STK24: variants seen among roughly 807,000 people sequenced by gnomAD.
The protein encoded by STK24 is serine/threonine-protein kinase 24.
A neutral mutation model predicts 55.6 loss-of-function variants in STK24; 21 were observed. The ratio of observed to expected loss-of-function variants is 0.38; its 90% CI spans 0.27 to 0.54. The LOEUF (loss-of-function observed/expected upper bound fraction) is 0.54, where lower values mean the gene tolerates loss of function less well. Ranked by LOEUF, STK24 falls within the 20% of genes least tolerant of loss-of-function variation. STK24 has a pLI of 0.79. For synonymous variants in STK24, 200 were observed against 215.2 expected (o/e 0.93, Z 0.62); for missense variants, 383 against 538.4 (o/e 0.71, Z 2.86).
intron 2 of STK24, among the ~76,000 whole-genome samples, chr13:98,483,589 G>T (rs764453182): frequency 1.3e-5 from 2 of 152,050 alleles, no homozygotes; most frequent in Non-Finnish European, 2.9e-5. Flanking sequence ...TGGAGGTTCC[G>T]CAAGTCAGGA....
At chr13:98,467,965 T>C (rs1893984457) in intron 5 of STK24, among the ~76,000 whole-genome samples, 1 of 152,250 alleles carries the variant, frequency 6.6e-6, no homozygotes, top group African/African-American at 2.4e-5. Context: ...GCTTTCCTGC[T>C]GTTCTCACTG....
At position 98,446,621 on chromosome 13, in the gene STK24, G is replaced by C. The variant is rs1214803541; in HGVS notation, c.*6552C>G. 4 of 1,603,866 alleles carry C rather than the reference G, an allele frequency of 2.5e-6. No homozygotes were observed. Among genetic ancestry groups the C allele is most frequent in the Admixed American group, 3.4e-5 (2 of 59,592 alleles). ...GGGGCAGCAGCCAGGCCCAGCAGCA[G>C]AAGCTGACCCCGAAAAGCCACTTTG... On this transcript the variant is annotated 3_prime_UTR_variant, in exon 11 of 11. Transcript: ENST00000539966.
chr13:98,449,718 T>TAAAA lies in STK24; in HGVS notation c.*3451_*3454dup, dbSNP rs1045673331. On this transcript the variant is annotated 3_prime_UTR_variant, in exon 11 of 11. Coordinates refer to ENST00000539966, the MANE Select transcript of STK24 (RefSeq NM_001032296.4). ...CGGTTTCCAGTACTAACAAAGGGAA[T>TAAAA]AAAAATACCTCACGCCACAATCCAG... 1.4e-5 allele frequency: 2 copies of TAAAA among 143,752 alleles called. No individual in the cohort carries two copies. Among genetic ancestry groups the TAAAA allele is most frequent in the Non-Finnish European group, 3.0e-5 (2 of 66,428 alleles). 8.9% of individuals were successfully genotyped at this position (143,752 alleles called of 1,614,324 possible). A position where few individuals can be genotyped will look rare whatever the true frequency, so the allele number is the denominator to read the frequency against.
intron 5 of STK24, among the ~76,000 whole-genome samples, chr13:98,472,934 G>A (rs1313973328): frequency 3.9e-5 from 6 of 152,116 alleles, no homozygotes; most frequent in Admixed American, 6.5e-5. Flanking sequence ...CATCCTGCCA[G>A]GGCCCAACCC....
chr13:98,459,601 A>G (rs1893615941), intron 9 of STK24, among the ~76,000 whole-genome samples: 7 of 152,156 alleles, frequency 4.6e-5, no homozygotes, highest in Admixed American at 3.9e-4. Context: ...CTCCTATGAC[A>G]CTTCCTCTCC....
At chr13:98,457,402 A>C in intron 9 of STK24, 98 bp from the exon 10 acceptor site, 1 of 1,561,012 alleles carries the variant, frequency 6.4e-7, no homozygotes, top group East Asian at 2.3e-5. Context: ...GGACCACGAC[A>C]CTACCCCAGC....
At chr13:98,516,616 G>A (rs929797367) in intron 2 of STK24, among the ~76,000 whole-genome samples, 1 of 152,162 alleles carries the variant, frequency 6.6e-6, no homozygotes, top group Non-Finnish European at 1.5e-5. Flanking sequence ...CCAGGCCTGG[G>A]CACATAAAAA....
At chr13:98,563,967 C>T (rs1346588415) in intron 1 of STK24, among the ~76,000 whole-genome samples, 4 of 152,056 alleles carry the variant, frequency 2.6e-5, no homozygotes, top group Admixed American at 6.6e-5. Context: ...CCCCAAAACC[C>T]TCAAATAAGA....
Position 98,519,224 on chromosome 13 carries a change from A to G in STK24, c.273+19T>C. 6.2e-7 allele frequency: 1 copy of G among 1,600,866 alleles called. No individual in the cohort carries two copies. Among genetic ancestry groups the G allele is most frequent in the East Asian group, 2.2e-5 (1 of 44,832 alleles). ...GCCAAGTGCTGCAGAACGGAGAAGC[A>G]CGTTATTTTAAGCCTTACCTTCAGA... On this transcript the variant is annotated intron_variant, in intron 2 of 10. Coordinates refer to ENST00000539966, the MANE Select transcript of STK24 (RefSeq NM_001032296.4).
intron 2 of STK24, among the ~76,000 whole-genome samples, chr13:98,495,969 T>G (rs1343572298): frequency 6.6e-6 from 1 of 152,212 alleles, no homozygotes; most frequent in Non-Finnish European, 1.5e-5. Context: ...AAGATTTTTC[T>G]CAGAGAAAAC....
chr13:98,471,222 C>CTGGGT (rs1402499475), intron 5 of STK24, among the ~76,000 whole-genome samples: 1 of 152,156 alleles, frequency 6.6e-6, no homozygotes, highest in African/African-American at 2.4e-5. Context: ...GGCTGGCTGC[C>CTGGGT]TGGGTTCTGG....
rs533742293 is a variant in STK24, at chr13:98,466,766, T to C, written c.598-205A>G. 6.6e-5 allele frequency among the ~76,000 whole-genome samples: 10 copies of C among 152,384 alleles called. No individual in the cohort carries two copies. In the East Asian group the frequency reaches 1.7e-3, roughly 26 times the overall value. On this transcript the variant is annotated intron_variant, in intron 5 of 10. Transcript: ENST00000539966. Reference sequence around the variant, plus strand: ...TAATATGCCAAATGTTTTCTGCCTCTACATGGAGATGGCTTATCAATTCAC... The same window carrying C: ...TAATATGCCAAATGTTTTCTGCCTCCACATGGAGATGGCTTATCAATTCAC...
At chr13:98,493,489 A>AT (rs36030371) in intron 2 of STK24, among the ~76,000 whole-genome samples, 11,753 of 152,142 alleles carry the variant, frequency 0.077, 529 homozygotes, top group Non-Finnish European at 0.1. Flanking sequence ...CAAGAGAGAG[A>AT]TTTTTTCTTT....
chr13:98,494,506 T>C (rs950219368), intron 2 of STK24, among the ~76,000 whole-genome samples: 2 of 151,128 alleles, frequency 1.3e-5, no homozygotes, highest in African/African-American at 4.9e-5. Flanking sequence ...TTCAAATGCA[T>C]GGGTGACAAA....
chr13:98,564,331 G>C (rs1304783787), intron 1 of STK24, among the ~76,000 whole-genome samples: 2 of 152,252 alleles, frequency 1.3e-5, no homozygotes, highest in East Asian at 3.8e-4. Flanking sequence ...GGAGCTAAGA[G>C]GAGCTGGACA....
intron 1 of STK24, among the ~76,000 whole-genome samples, chr13:98,572,619 T>C (rs1287986279): frequency 6.6e-6 from 1 of 152,058 alleles, no homozygotes; most frequent in Non-Finnish European, 1.5e-5. Flanking sequence ...TAGACACCAG[T>C]CTCACTATCC....
At chr13:98,572,161 A>G (rs1594679863) in intron 1 of STK24, among the ~76,000 whole-genome samples, 1 of 152,284 alleles carries the variant, frequency 6.6e-6, no homozygotes, top group East Asian at 1.9e-4. Flanking sequence ...CATGCCCCAA[A>G]GCAGGCAGCC....
At chr13:98,567,119 A>G (rs1897599327) in intron 1 of STK24, among the ~76,000 whole-genome samples, 1 of 152,208 alleles carries the variant, frequency 6.6e-6, no homozygotes, top group Non-Finnish European at 1.5e-5. Context: ...CCCAAAGAAG[A>G]GCTTTCGCTG....
intron 1 of STK24, among the ~76,000 whole-genome samples, chr13:98,575,040 A>G (rs1192176918): frequency 6.6e-6 from 1 of 152,242 alleles, no homozygotes; most frequent in Non-Finnish European, 1.5e-5. Context: ...CACGGTATAA[A>G]TATCAACCTA....
Sources: gnomAD v4.1 joint callset for allele counts (sites outside exome capture counted in the v4.1 genomes callset) on GRCh38, gnomAD v4.1.1 for gene constraint, MANE v1.5 for transcripts, NCBI Gene and HGNC (gene_info 2026-07-23, HGNC 2026-07-21) for gene names.